The following ADGRL4 variants were observed in gnomAD, a reference collection of about 807,000 sequenced individuals.
The protein encoded by ADGRL4 is EGF, latrophilin and seven transmembrane domain containing 1.
ADGRL4 carries 90 observed loss-of-function variants against 74.8 expected under a neutral mutation model. That is an observed-to-expected ratio of 1.20 (90% CI 1.02 to 1.43). The LOEUF is 1.43. Ranked by LOEUF, ADGRL4 falls within the 40% of genes most tolerant of loss-of-function variation. The pLI is 0.00. For missense variants in ADGRL4, 881 were observed against 814.3 expected, an observed-to-expected ratio of 1.08 and a Z score of -1.00; for synonymous variants, 311 against 279.2, an observed-to-expected ratio of 1.11 and a Z score of -1.14.
At chr1:78,971,467 G>C (rs958295701) in intron 2 of ADGRL4, among the ~76,000 whole-genome samples, 2 of 152,044 alleles carry the variant, frequency 1.3e-5, no homozygotes, top group Admixed American at 6.5e-5. Context: ...CCCTTTGCAG[G>C]GGGGAAAAGC....
intron 6 of ADGRL4, among the ~76,000 whole-genome samples, chr1:78,936,739 G>A (rs1009207747): frequency 1.3e-5 from 2 of 152,270 alleles, no homozygotes; most frequent in Middle Eastern, 3.4e-3. Context: ...ACAGAATAGT[G>A]TCTACAACTT....
At chr1:79,005,731 C>A (rs554855761) in intron 1 of ADGRL4, among the ~76,000 whole-genome samples, 1 of 151,932 alleles carries the variant, frequency 6.6e-6, no homozygotes, top group African/African-American at 2.4e-5. Context: ...TTTCTGTGTT[C>A]TAATGATTGT....
intron 10 of ADGRL4, among the ~76,000 whole-genome samples, chr1:78,919,245 T>A (rs1019935420): frequency 6.6e-6 from 1 of 151,978 alleles, no homozygotes; most frequent in African/African-American, 2.4e-5. Flanking sequence ...GTCATGAGAA[T>A]ACACTTCTCC....
chr1:78,969,707 G>GTTTTTTGGTT (rs1360545626), intron 2 of ADGRL4, among the ~76,000 whole-genome samples: 6 of 144,012 alleles, frequency 4.2e-5, no homozygotes, highest in African/African-American at 1.5e-4. Context: ...TGATTTGTGG[G>GTTTTTTGGTT]TTTTTTTTTT....
At chr1:78,946,462 T>A in intron 2 of ADGRL4, 36 bp from the exon 3 acceptor site, 1 of 1,517,540 alleles carries the variant, frequency 6.6e-7, no homozygotes, top group Non-Finnish European at 8.9e-7. Flanking sequence ...TATTTTTATA[T>A]AATTGACATA....
At chr1:78,966,132 C>T (rs12023956) in intron 2 of ADGRL4, among the ~76,000 whole-genome samples, 15,813 of 151,912 alleles carry the variant, frequency 0.1, 1,086 homozygotes, top group East Asian at 0.35. Context: ...GATAGCCAGG[C>T]GGGAAGAAGC....
At chr1:78,993,947 G>C (rs1258469691) in intron 2 of ADGRL4, among the ~76,000 whole-genome samples, 1 of 152,094 alleles carries the variant, frequency 6.6e-6, no homozygotes, top group Non-Finnish European at 1.5e-5. Flanking sequence ...AATCATATTT[G>C]ATACATAAGA....
chr1:78,932,371 A>G (rs1295758478), intron 7 of ADGRL4, among the ~76,000 whole-genome samples: 2 of 151,504 alleles, frequency 1.3e-5, no homozygotes, highest in East Asian at 3.9e-4. Context: ...GTTCTTTGAA[A>G]CCAATGAGAA....
intron 2 of ADGRL4, among the ~76,000 whole-genome samples, chr1:78,987,513 C>T (rs181735413): frequency 2.0e-5 from 3 of 151,766 alleles, no homozygotes; most frequent in South Asian, 2.1e-4. Flanking sequence ...CCCAATACAA[C>T]TAAAAATTTG....
chr1:78,945,333 C>T (rs1030622583), intron 3 of ADGRL4, among the ~76,000 whole-genome samples: 1 of 151,582 alleles, frequency 6.6e-6, no homozygotes, highest in Non-Finnish European at 1.5e-5. Context: ...AATTCTAGTC[C>T]CATGTCTAAC....
At chr1:78,932,446 C>T (rs770413174) in intron 7 of ADGRL4, among the ~76,000 whole-genome samples, 33 of 151,210 alleles carry the variant, frequency 2.2e-4, no homozygotes, top group Non-Finnish European at 4.4e-4. Context: ...AAATTTATAG[C>T]ACTAAATGCC....
At chr1:78,939,139 T>C (rs367740128) in intron 4 of ADGRL4, 49 bp downstream of exon 4, 24 of 1,498,548 alleles carry the variant, frequency 1.6e-5, no homozygotes, top group African/African-American at 7.2e-5. Context: ...AGCATTTTAA[T>C]TGAAACCAAA....
At chr1:78,956,928 G>A (rs542270841) in intron 2 of ADGRL4, among the ~76,000 whole-genome samples, 2 of 152,134 alleles carry the variant, frequency 1.3e-5, no homozygotes, top group African/African-American at 2.4e-5. Context: ...AAGTCCATTG[G>A]CATCATTTTT....
intron 12 of ADGRL4, among the ~76,000 whole-genome samples, chr1:78,905,406 T>C (rs1648615235): frequency 6.6e-6 from 1 of 152,014 alleles, no homozygotes; most frequent in African/African-American, 2.4e-5. Flanking sequence ...TCTGGGAATT[T>C]TATGAGAGCA....
intron 2 of ADGRL4, among the ~76,000 whole-genome samples, chr1:78,980,757 A>G (rs1041767252): frequency 6.6e-6 from 1 of 151,984 alleles, no homozygotes; most frequent in African/African-American, 2.4e-5. Flanking sequence ...TGTTTAAATC[A>G]TCCCACAGAG....
intron 12 of ADGRL4, among the ~76,000 whole-genome samples, chr1:78,903,955 AAATAAATAAATAAATAAATAAAT>A (rs1229228872): frequency 3.8e-5 from 4 of 104,562 alleles, no homozygotes; most frequent in African/African-American, 9.9e-5. Flanking sequence ...ATAAATAAAT[AAATAAATAAATAAATAAATAAAT>A]AATAATAATA....
At chr1:78,984,933 C>T (rs960714783) in intron 2 of ADGRL4, among the ~76,000 whole-genome samples, 3 of 151,500 alleles carry the variant, frequency 2.0e-5, no homozygotes, top group Non-Finnish European at 4.4e-5. Flanking sequence ...GGGAGGAAGA[C>T]GTGTTAGTAT....
At chr1:78,915,004 C>G (rs956088175) in intron 12 of ADGRL4, among the ~76,000 whole-genome samples, 2 of 151,886 alleles carry the variant, frequency 1.3e-5, no homozygotes, top group African/African-American at 4.8e-5. Context: ...TTGGTCTCTT[C>G]TATTCTTCAA....
At chr1:78,960,885 AT>A (rs927636035) in intron 2 of ADGRL4, among the ~76,000 whole-genome samples, 5 of 152,206 alleles carry the variant, frequency 3.3e-5, no homozygotes, top group African/African-American at 1.2e-4. Context: ...ACTGTGAGCA[AT>A]GAATTTTTGT....
Sources: gnomAD v4.1 joint callset for allele counts (sites outside exome capture counted in the v4.1 genomes callset) on GRCh38, gnomAD v4.1.1 for gene constraint, MANE v1.5 for transcripts, NCBI Gene and HGNC (gene_info 2026-07-23, HGNC 2026-07-21) for gene names.